The following MAF variants were observed in gnomAD, a reference collection of about 807,000 sequenced individuals.
MAF encodes the protein transcription factor Maf.
MAF carries 10 observed loss-of-function variants against 22.0 expected under a neutral mutation model. The ratio of observed to expected loss-of-function variants is 0.45; its 90% CI spans 0.28 to 0.77. The LOEUF is 0.77. Among genes scored for constraint, MAF ranks in the 30% least tolerant of loss-of-function variants. MAF has a pLI of 0.12. For missense variants in MAF, 544 were observed against 548.4 expected (o/e 0.99, Z 0.08); for synonymous variants, 337 against 255.8 (o/e 1.32, Z -3.03).
At chr16:79,598,583 T>TGTGG in intron 1 of MAF, 1 of 587,816 alleles carries the variant, frequency 1.7e-6, no homozygotes, top group Non-Finnish European at 2.4e-6. Context: ...GGGTGTGGGG[T>TGTGG]GTGTGTGTGT....
the MAF span, among the ~76,000 whole-genome samples, chr16:79,321,855 G>A: frequency 6.6e-6 from 1 of 151,916 alleles, no homozygotes; most frequent in South Asian, 2.1e-4. Flanking sequence ...GTGCCCGGCT[G>A]ACAGGGTGTA....
the MAF span, among the ~76,000 whole-genome samples, chr16:79,567,929 A>G: frequency 6.6e-6 from 1 of 152,202 alleles, no homozygotes; most frequent in Non-Finnish European, 1.5e-5. Flanking sequence ...TTAATGTACA[A>G]ATCTTTATTT....
At chr16:79,223,050 A>T in the MAF span, among the ~76,000 whole-genome samples, 2 of 152,198 alleles carry the variant, frequency 1.3e-5, no homozygotes, top group African/African-American at 4.8e-5. Flanking sequence ...CTCCACCGCA[A>T]ATCAACAAAA....
the MAF span, among the ~76,000 whole-genome samples, chr16:79,374,196 T>A: frequency 1.3e-5 from 2 of 152,234 alleles, no homozygotes; most frequent in African/African-American, 4.8e-5. Context: ...TATTTGTTTC[T>A]TTGGGAATTC....
chr16:79,458,760 G>A, the MAF span, among the ~76,000 whole-genome samples: 4 of 152,172 alleles, frequency 2.6e-5, no homozygotes, highest in African/African-American at 9.6e-5. Flanking sequence ...CATGAAGTAC[G>A]TAATGTAACC....
At chr16:79,515,962 T>C in the MAF span, 1 of 149,338 alleles carries the variant, frequency 6.7e-6, no homozygotes, top group African/African-American at 2.5e-5. Flanking sequence ...AGCCTTTTTT[T>C]TTTTTTTTTT....
chr16:79,397,400 G>A, the MAF span, among the ~76,000 whole-genome samples: 1 of 152,126 alleles, frequency 6.6e-6, no homozygotes, highest in Non-Finnish European at 1.5e-5. Flanking sequence ...AATCAATGGT[G>A]TAAATAATGA....
chr16:79,561,740 A>G, the MAF span, among the ~76,000 whole-genome samples: 1 of 152,198 alleles, frequency 6.6e-6, no homozygotes, highest in Non-Finnish European at 1.5e-5. Context: ...AGCCAAATAA[A>G]AATTAGAAGA....
the MAF span, among the ~76,000 whole-genome samples, chr16:79,472,000 C>T: frequency 6.6e-6 from 1 of 152,182 alleles, no homozygotes; most frequent in African/African-American, 2.4e-5. Flanking sequence ...AAAGACTCCA[C>T]AGCAATTTTT....
the MAF span, among the ~76,000 whole-genome samples, chr16:79,489,309 C>G: frequency 6.6e-6 from 1 of 152,176 alleles, no homozygotes; most frequent in Non-Finnish European, 1.5e-5. Context: ...ATTTATCCAT[C>G]CATTTATTCA....
the MAF span, among the ~76,000 whole-genome samples, chr16:79,384,183 C>T: frequency 6.6e-6 from 1 of 152,150 alleles, no homozygotes; most frequent in African/African-American, 2.4e-5. Flanking sequence ...GTGACTCACG[C>T]TTGTAATCTT....
the MAF span, among the ~76,000 whole-genome samples, chr16:79,525,436 T>C: frequency 3.3e-5 from 5 of 152,198 alleles, no homozygotes; most frequent in Admixed American, 2.6e-4. Context: ...AGACATAGTA[T>C]GTTGAACTTT....
the MAF span, among the ~76,000 whole-genome samples, chr16:79,444,389 C>T: frequency 6.6e-5 from 10 of 152,014 alleles, no homozygotes; most frequent in South Asian, 2.1e-4. Flanking sequence ...GAAAAATTAG[C>T]GTGGATTTTA....
chr16:79,588,609 G>A (rs1361508001), intron 1 of MAF, among the ~76,000 whole-genome samples: 3 of 151,794 alleles, frequency 2.0e-5, no homozygotes, highest in Non-Finnish European at 2.9e-5. Flanking sequence ...TTACAGGCAC[G>A]TGCCCCCACG....
chr16:79,498,491 T>C, the MAF span, among the ~76,000 whole-genome samples: 1 of 152,258 alleles, frequency 6.6e-6, no homozygotes, highest in African/African-American at 2.4e-5. Flanking sequence ...GGCTTCAGGC[T>C]AGCTTTGGCC....
the MAF span, among the ~76,000 whole-genome samples, chr16:79,270,448 G>C: frequency 1.3e-5 from 2 of 152,154 alleles, no homozygotes; most frequent in African/African-American, 4.8e-5. Context: ...GCCTCCTTGA[G>C]GCACTCAACC....
chr16:79,261,449 G>C, the MAF span, among the ~76,000 whole-genome samples: 2 of 152,204 alleles, frequency 1.3e-5, no homozygotes, highest in African/African-American at 4.8e-5. Flanking sequence ...CACCACGCCT[G>C]GCTGGTCTTC....
the MAF span, among the ~76,000 whole-genome samples, chr16:79,348,987 C>A: frequency 6.6e-6 from 1 of 152,182 alleles, no homozygotes; most frequent in Admixed American, 6.5e-5. Flanking sequence ...TCCCCCTGCA[C>A]CTGAGCCTGG....
the MAF span, among the ~76,000 whole-genome samples, chr16:79,397,684 G>A: frequency 6.6e-6 from 1 of 152,146 alleles, no homozygotes; most frequent in Non-Finnish European, 1.5e-5. Context: ...TGGACCCTGT[G>A]TTATCAATGC....
Sources: allele counts gnomAD v4.1 joint callset (sites outside exome capture counted in the v4.1 genomes callset), GRCh38; gene constraint gnomAD v4.1.1; transcripts MANE v1.5; gene names NCBI Gene and HGNC (gene_info 2026-07-23, HGNC 2026-07-21).